Variants in TAF3 observed in about 807,000 individuals in gnomAD.
The protein encoded by TAF3 is TATA-box binding protein associated factor 3.
In TAF3, 7 loss-of-function variants were observed where a neutral mutation model predicts 80.6. The observed-to-expected ratio is 0.09, with a 90% CI of 0.05 to 0.16. TAF3 has a LOEUF of 0.16. Ranked by LOEUF, TAF3 falls within the 10% of genes least tolerant of loss-of-function variation. The pLI, the probability that TAF3 is intolerant of heterozygous loss-of-function variation, is 1.00. For synonymous variants in TAF3, 444 were observed against 446.1 expected, an observed-to-expected ratio of 1.00 and a Z score of 0.06; for missense variants, 921 against 1,140.2, an observed-to-expected ratio of 0.81 and a Z score of 2.77.
At chr10:7,872,503 A>G (rs1837277043) in intron 2 of TAF3, among the ~76,000 whole-genome samples, 1 of 152,204 alleles carries the variant, frequency 6.6e-6, no homozygotes, top group Non-Finnish European at 1.5e-5. Context: ...ATAAAATTAC[A>G]GTATGTTTCA....
intron 5 of TAF3, among the ~76,000 whole-genome samples, chr10:8,012,127 A>G (rs1289609661): frequency 1.3e-5 from 2 of 152,220 alleles, no homozygotes; most frequent in Non-Finnish European, 1.5e-5. Flanking sequence ...ACAGTGAGCC[A>G]TGATCACACC....
chr10:7,927,537 T>C (rs944650631), intron 2 of TAF3, among the ~76,000 whole-genome samples: 1 of 152,184 alleles, frequency 6.6e-6, no homozygotes, highest in African/African-American at 2.4e-5. Flanking sequence ...AGTTTCTCCA[T>C]ACTTGGTTGT....
intron 6 of TAF3, among the ~76,000 whole-genome samples, chr10:8,014,237 A>G (rs1415984038): frequency 6.6e-6 from 1 of 152,230 alleles, no homozygotes; most frequent in African/African-American, 2.4e-5. Context: ...TCTGTTTTTT[A>G]GACCTCTTCA....
intron 2 of TAF3, among the ~76,000 whole-genome samples, chr10:7,913,062 G>A (rs1036164773): frequency 2.0e-5 from 3 of 152,128 alleles, no homozygotes; most frequent in Admixed American, 6.5e-5. Context: ...GGCGCCTCAC[G>A]CAAGGGTCTT....
chr10:7,877,155 C>G (rs1435614826), intron 2 of TAF3, among the ~76,000 whole-genome samples: 2 of 151,882 alleles, frequency 1.3e-5, no homozygotes, highest in Non-Finnish European at 2.9e-5. Context: ...TTGGTAAACA[C>G]AAATTTAGGT....
At chr10:7,911,041 G>A (rs1379069611) in intron 2 of TAF3, among the ~76,000 whole-genome samples, 1 of 152,208 alleles carries the variant, frequency 6.6e-6, no homozygotes, top group African/African-American at 2.4e-5. Context: ...TGAAATGTAT[G>A]TGTTGGGGTG....
chr10:7,995,887 G>C (rs140343762), intron 4 of TAF3, among the ~76,000 whole-genome samples: 134 of 152,270 alleles, frequency 8.8e-4, no homozygotes, highest in African/African-American at 2.8e-3. Flanking sequence ...TTGACTTGAA[G>C]AATCAACATA....
intron 2 of TAF3, among the ~76,000 whole-genome samples, chr10:7,910,505 C>G (rs1449953700): frequency 6.6e-6 from 1 of 152,090 alleles, no homozygotes; most frequent in East Asian, 1.9e-4. Context: ...TTCAGCCTCC[C>G]GAGTAGCTGG....
chr10:7,978,964 C>A (rs576951617), intron 4 of TAF3, among the ~76,000 whole-genome samples: 1 of 152,088 alleles, frequency 6.6e-6, no homozygotes, highest in East Asian at 1.9e-4. Flanking sequence ...TCACTTGAGG[C>A]CAGGAGTTCA....
chr10:7,904,585 T>G (rs1363058842), intron 2 of TAF3, among the ~76,000 whole-genome samples: 1 of 151,932 alleles, frequency 6.6e-6, no homozygotes, highest in Non-Finnish European at 1.5e-5. Flanking sequence ...AAGGAAGGAA[T>G]AAATAAAGGA....
intron 2 of TAF3, among the ~76,000 whole-genome samples, chr10:7,914,220 C>T (rs1253580916): frequency 1.3e-5 from 2 of 152,106 alleles, no homozygotes; most frequent in Non-Finnish European, 2.9e-5. Context: ...ATTAGAAATA[C>T]GTATGGAATT....
Position 7,980,200 on chromosome 10 carries a change from G to T in TAF3, c.2315+2877G>T, listed in dbSNP as rs115288446. 7.1e-3 allele frequency among the ~76,000 whole-genome samples: 1,077 copies of T among 152,278 alleles called. 13 individuals carry two copies. The highest frequency in any genetic ancestry group is 0.024 in the African/African-American group (1,015 of 41,546). The stretch of plus-strand genomic sequence containing the variant: ...TGAATAGTCCAGGGGGGTATTTATT[G>T]CTGAAGAACAGGCAGAATCATCTTT... On this transcript the variant is annotated intron_variant, in intron 4 of 6. Transcript: ENST00000344293.
intron 2 of TAF3, among the ~76,000 whole-genome samples, chr10:7,832,244 T>G (rs1195175088): frequency 6.6e-6 from 1 of 152,180 alleles, no homozygotes; most frequent in Non-Finnish European, 1.5e-5. Context: ...TACTCTCTGC[T>G]TCTTGGAATT....
intron 2 of TAF3, among the ~76,000 whole-genome samples, chr10:7,829,316 G>A (rs1323841394): frequency 1.3e-5 from 2 of 152,074 alleles, no homozygotes; most frequent in African/African-American, 4.8e-5. Context: ...GAACAATATT[G>A]ACATGTTATT....
chr10:7,894,656 C>G (rs1258897283), intron 2 of TAF3, among the ~76,000 whole-genome samples: 1 of 152,096 alleles, frequency 6.6e-6, no homozygotes, highest in African/African-American at 2.4e-5. Flanking sequence ...CTATAAATGC[C>G]AAAATCATCT....
Position 7,856,858 on chromosome 10 carries a change from CAAA to C in TAF3, c.409+32318_409+32320del, listed in dbSNP as rs57207229. On this transcript the variant is annotated intron_variant, in intron 2 of 6. Coordinates refer to ENST00000344293, the MANE Select transcript of TAF3 (RefSeq NM_031923.4). ...TGGTAAATGTTTAACAGCTGGTTCT[CAAA>C]AAAAAAAAAAAAAAAAAAAGCAGAA... 6.2e-3 allele frequency among the ~76,000 whole-genome samples: 567 copies of C among 91,140 alleles called. 2 individuals are homozygous for C. Among genetic ancestry groups the C allele is most frequent in the Middle Eastern group, 0.033 (6 of 180 alleles). The allele number at this position is 91,140 out of a possible 152,430, so 59.8% of individuals were successfully genotyped here.
chr10:7,905,003 A>C (rs1251299055), intron 2 of TAF3, among the ~76,000 whole-genome samples: 2 of 152,096 alleles, frequency 1.3e-5, no homozygotes, highest in African/African-American at 4.8e-5. Flanking sequence ...TGAGAGGAAA[A>C]GTGAAACGTT....
intron 2 of TAF3, among the ~76,000 whole-genome samples, chr10:7,919,423 C>T (rs945531215): frequency 2.6e-5 from 4 of 152,086 alleles, no homozygotes; most frequent in South Asian, 2.1e-4. Context: ...TCATTGTACA[C>T]GTGAGCAAGG....
intron 4 of TAF3, among the ~76,000 whole-genome samples, chr10:7,977,573 A>G (rs1322831384): frequency 1.3e-5 from 2 of 151,962 alleles, no homozygotes; most frequent in African/African-American, 4.8e-5. Context: ...AGCACCTGAC[A>G]TTATTTCTGC....
Sources: allele counts gnomAD v4.1 joint callset (sites outside exome capture counted in the v4.1 genomes callset), GRCh38; gene constraint gnomAD v4.1.1; transcripts MANE v1.5; gene names NCBI Gene and HGNC (gene_info 2026-07-23, HGNC 2026-07-21).